Variants in AK8 observed in about 807,000 individuals in gnomAD.
The protein encoded by AK8 is adenylate kinase 8.
A neutral mutation model predicts 54.6 loss-of-function variants in AK8; 44 were observed. That is an observed-to-expected ratio of 0.81 (90% CI 0.63 to 1.04). The LOEUF (loss-of-function observed/expected upper bound fraction) is 1.04, where lower values mean the gene tolerates loss of function less well. Among genes scored for constraint, AK8 ranks in the 50% least tolerant of loss-of-function variants. AK8 has a pLI of 0.00. For synonymous variants in AK8, 239 were observed against 245.6 expected, an observed-to-expected ratio of 0.97 and a Z score of 0.25; for missense variants, 555 against 613.6, an observed-to-expected ratio of 0.90 and a Z score of 1.01.
At chr9:132,741,892 G>A (rs1322123533) in intron 11 of AK8, among the ~76,000 whole-genome samples, 2 of 152,100 alleles carry the variant, frequency 1.3e-5, no homozygotes. Context: ...CACAAGACAT[G>A]GCTCTCCAAG....
chr9:132,754,668 C>T (rs1838102761), intron 11 of AK8, among the ~76,000 whole-genome samples: 1 of 152,144 alleles, frequency 6.6e-6, no homozygotes, highest in Non-Finnish European at 1.5e-5. Flanking sequence ...GCAGCTTCTC[C>T]TCCTCTCCCT....
chr9:132,829,434 T>C (rs1223776695), intron 5 of AK8, among the ~76,000 whole-genome samples: 3 of 152,180 alleles, frequency 2.0e-5, no homozygotes, highest in African/African-American at 7.2e-5. Context: ...TTCACTATCA[T>C]AGATAATACC....
In AK8 at chr9:132,860,512, C is replaced by T. The variant is rs1843343949; in HGVS notation, c.333+3153G>A. On this transcript the variant is annotated intron_variant, in intron 4 of 12. Coordinates refer to ENST00000298545, the MANE Select transcript of AK8 (RefSeq NM_152572.3). This position sits in a 1 kb window ranked among gnomAD's most constrained non-coding sequence, Gnocchi z 4.4. ...GAGAGTTCTAGAGGAAAAGGGAAGG[C>T]TCCAGGCATGCCTGAAGGAGGCTGC... Among the ~76,000 whole-genome samples, 2 of 152,214 alleles carry T rather than the reference C, an allele frequency of 1.3e-5. No individual in the cohort carries two copies. The highest frequency in any genetic ancestry group is 2.1e-4 in the South Asian group (1 of 4,834).
chr9:132,818,160 C>A (rs1182842774), intron 9 of AK8, among the ~76,000 whole-genome samples: 1 of 152,154 alleles, frequency 6.6e-6, no homozygotes, highest in African/African-American at 2.4e-5. Flanking sequence ...CATTTTCAGG[C>A]TATGAAAGCT....
chr9:132,725,741 A>G lies in AK8; in HGVS notation c.1387T>C (p.Phe463Leu), dbSNP rs1231050581. 1 of 1,592,030 alleles carries G rather than the reference A, an allele frequency of 6.3e-7. No homozygotes were observed. The highest frequency in any genetic ancestry group is 8.6e-7 in the Non-Finnish European group (1 of 1,169,234). Residue 463 changes from phenylalanine (F) to leucine (L), a missense_variant, in exon 13 of 13, where the codon TTC becomes CTC. Coordinates refer to ENST00000298545, the MANE Select transcript of AK8 (RefSeq NM_152572.3). The stretch of plus-strand genomic sequence containing the variant: ...ATGATCCCACTCTCGATGTATTCGA[A>G]GACTGTGTATGGGTCCTGGTCCCCA... ...LNGDQDPYTV[F>L]EYIESGIINP...
rs757949836 is a variant in AK8, at chr9:132,727,440, A to G, written c.1202+14T>C. 1.2e-5 allele frequency: 20 copies of G among 1,613,898 alleles called. No individual in the cohort carries two copies. In the Middle Eastern group the frequency reaches 6.6e-4, roughly 53 times the overall value. ...AGTCCCCAGACTGCCAACCACCAGG[A>G]ACACAGCACAAACCTTTCCCCAGTG... On this transcript the variant is annotated intron_variant, in intron 12 of 12. Coordinates refer to ENST00000298545, the MANE Select transcript of AK8 (RefSeq NM_152572.3).
rs116864772 is a variant in AK8 at position 132,743,734 on chromosome 9, A to G, written c.1122-16200T>C. The stretch of plus-strand genomic sequence containing the variant: ...TATTTCCTACCTGCCGGGCACTGGT[A>G]GTAAGCACGTTACATGCACGTGCTA... On this transcript the variant is annotated intron_variant, in intron 11 of 12. Coordinates refer to ENST00000298545, the MANE Select transcript of AK8 (RefSeq NM_152572.3). Among the ~76,000 whole-genome samples, 596 of 152,318 alleles carry G rather than the reference A, an allele frequency of 3.9e-3. 3 individuals carry two copies. The highest frequency in any genetic ancestry group is 6.2e-3 in the Non-Finnish European group (420 of 68,036).
chr9:132,872,524 A>G (rs142699002), intron 2 of AK8, among the ~76,000 whole-genome samples: 93 of 152,262 alleles, frequency 6.1e-4, no homozygotes, highest in African/African-American at 2.1e-3. Flanking sequence ...GTGGGTATTC[A>G]AGATGAAGTC....
intron 2 of AK8, among the ~76,000 whole-genome samples, chr9:132,869,572 C>T (rs1055099170): frequency 2.0e-5 from 3 of 152,288 alleles, no homozygotes; most frequent in Admixed American, 6.5e-5. Flanking sequence ...GTGTTTTCAG[C>T]TTCTGGGGTG....
chr9:132,871,011 C>T (rs930236613), intron 2 of AK8, among the ~76,000 whole-genome samples: 1 of 152,090 alleles, frequency 6.6e-6, no homozygotes, highest in African/African-American at 2.4e-5. Flanking sequence ...TTTGGGAGGC[C>T]GAGGCGGGTG....
intron 10 of AK8, among the ~76,000 whole-genome samples, chr9:132,806,015 A>T (rs1463981850): frequency 6.6e-6 from 1 of 152,104 alleles, no homozygotes; most frequent in East Asian, 1.9e-4. Flanking sequence ...CCAAAGGGAC[A>T]GAGGCCAACA....
chr9:132,874,977 T>C (rs941897176), intron 2 of AK8, 138 bp downstream of exon 2: 4 of 1,102,712 alleles, frequency 3.6e-6, no homozygotes, highest in East Asian at 2.6e-5. Context: ...TAGGACAGAA[T>C]GGTGCTCAGC....
chr9:132,867,919 T>C (rs1305348037), intron 2 of AK8, among the ~76,000 whole-genome samples: 1 of 152,168 alleles, frequency 6.6e-6, no homozygotes, highest in Non-Finnish European at 1.5e-5. Flanking sequence ...CTGACCAGCA[T>C]GGTGAGAAGG....
intron 11 of AK8, among the ~76,000 whole-genome samples, chr9:132,749,536 CA>C (rs1837806436): frequency 6.6e-6 from 1 of 151,888 alleles, no homozygotes; most frequent in Admixed American, 6.6e-5. Context: ...GTGTAACTGT[CA>C]CCCCCATCTT....
At chr9:132,768,070 T>C (rs781640733) in intron 11 of AK8, among the ~76,000 whole-genome samples, 21 of 152,150 alleles carry the variant, frequency 1.4e-4, no homozygotes, top group Non-Finnish European at 7.3e-5. Context: ...CAATAATTTA[T>C]TGCATATTTC....
intron 11 of AK8, among the ~76,000 whole-genome samples, chr9:132,764,454 C>T (rs1838632921): frequency 1.3e-5 from 2 of 151,146 alleles, no homozygotes; most frequent in Admixed American, 1.3e-4. Flanking sequence ...CAGAAAAGAC[C>T]CAAATAAATC....
intron 11 of AK8, among the ~76,000 whole-genome samples, chr9:132,789,612 AAAAAAAAAAAGAAAGAAAGAAAAG>A (rs1839862099): frequency 6.6e-6 from 1 of 150,768 alleles, no homozygotes; most frequent in Admixed American, 6.6e-5. Flanking sequence ...AAAAAAAAAA[AAAAAAAAAAAGAAAGAAAGAAAAG>A]AAAAAAAGAT....
intron 11 of AK8, among the ~76,000 whole-genome samples, chr9:132,747,744 C>T (rs77462456): frequency 0.028 from 4,125 of 148,750 alleles, 190 homozygotes; most frequent in African/African-American, 0.095. Context: ...CTTTATATGT[C>T]TGGTTTTAAT....
chr9:132,806,540 G>C (rs441220), intron 10 of AK8, among the ~76,000 whole-genome samples: 42,922 of 152,122 alleles, frequency 0.28, 6,220 homozygotes, highest in East Asian at 0.49. Flanking sequence ...GCTTGCAGCT[G>C]GCCGAGGCTG....
Sources: gnomAD v4.1 joint callset for allele counts (sites outside exome capture counted in the v4.1 genomes callset) on GRCh38, gnomAD v4.1.1 for gene constraint, Gnocchi (gnomAD v3.1) non-coding constraint, MANE v1.5 for transcripts, NCBI Gene and HGNC (gene_info 2026-07-23, HGNC 2026-07-21) for gene names.